The following CADM2 variants were observed in gnomAD, a reference collection of about 807,000 sequenced individuals.
The protein encoded by CADM2 is immunoglobulin superfamily member 4D.
Under a neutral mutation model 49.8 loss-of-function variants are expected in CADM2, and 12 were observed. That is an observed-to-expected ratio of 0.24 (90% confidence interval 0.15 to 0.39). The LOEUF is 0.39. Among genes scored for constraint, CADM2 ranks in the 10% least tolerant of loss-of-function variants. The pLI, the probability that CADM2 is intolerant of heterozygous loss-of-function variation, is 1.00. For synonymous variants in CADM2, 214 were observed against 175.4 expected, an observed-to-expected ratio of 1.22 and a Z score of -1.74; for missense variants, 378 against 492.3, an observed-to-expected ratio of 0.77 and a Z score of 2.20.
chr3:85,676,401 C>A (rs1392108375), intron 1 of CADM2, among the ~76,000 whole-genome samples: 2 of 152,052 alleles, frequency 1.3e-5, no homozygotes, highest in Non-Finnish European at 2.9e-5. Flanking sequence ...CCCTAGAGAC[C>A]CATGCCTATT....
intron 1 of CADM2, among the ~76,000 whole-genome samples, chr3:85,105,930 T>G (rs1287703349): frequency 6.7e-6 from 1 of 150,158 alleles, no homozygotes; most frequent in Non-Finnish European, 1.5e-5. Flanking sequence ...AACATCACAC[T>G]CTGGGGACTG....
At chr3:86,012,506 A>G in intron 8 of CADM2, 1 of 1,144,054 alleles carries the variant, frequency 8.7e-7, no homozygotes, top group Non-Finnish European at 1.2e-6. Flanking sequence ...CAGCGGGCGG[A>G]CTGCCCTGAG....
intron 4 of CADM2, among the ~76,000 whole-genome samples, chr3:85,884,973 C>T (rs1713366582): frequency 6.7e-6 from 1 of 150,074 alleles, no homozygotes; most frequent in Non-Finnish European, 1.5e-5. Context: ...TGACCTCGGC[C>T]TCCCAAAGTG....
intron 1 of CADM2, among the ~76,000 whole-genome samples, chr3:85,158,778 A>G (rs186234189): frequency 1.2e-4 from 19 of 152,242 alleles, no homozygotes; most frequent in Admixed American, 3.9e-4. Flanking sequence ...CCAGCATGGC[A>G]GATGTATACA....
intron 1 of CADM2, among the ~76,000 whole-genome samples, chr3:85,498,360 G>C (rs922438110): frequency 6.6e-6 from 1 of 152,108 alleles, no homozygotes; most frequent in African/African-American, 2.4e-5. Context: ...CTATAATGCT[G>C]TTGGTCCTAA....
intron 1 of CADM2, among the ~76,000 whole-genome samples, chr3:85,256,456 C>G (rs541164774): frequency 6.6e-6 from 1 of 152,134 alleles, no homozygotes; most frequent in African/African-American, 2.4e-5. Flanking sequence ...CTAAGTGCTC[C>G]TATTCAAAAA....
intron 1 of CADM2, among the ~76,000 whole-genome samples, chr3:85,379,910 A>C (rs766823512): frequency 4.6e-5 from 7 of 152,000 alleles, no homozygotes; most frequent in Non-Finnish European, 8.8e-5. Flanking sequence ...GACCCAGCTT[A>C]TTGTCTGACA....
At chr3:85,551,682 G>T (rs1033940905) in intron 1 of CADM2, among the ~76,000 whole-genome samples, 1 of 152,098 alleles carries the variant, frequency 6.6e-6, no homozygotes, top group Non-Finnish European at 1.5e-5. Flanking sequence ...AAGCTGTTCA[G>T]CTTTTTAAAT....
intron 1 of CADM2, among the ~76,000 whole-genome samples, chr3:85,245,444 G>A (rs905029310): frequency 2.0e-5 from 3 of 151,304 alleles, no homozygotes; most frequent in Non-Finnish European, 2.9e-5. Context: ...CCCGGGAGGC[G>A]AAGCTTGCAG....
intron 3 of CADM2, among the ~76,000 whole-genome samples, chr3:85,827,832 T>C (rs1455471872): frequency 6.6e-6 from 1 of 152,002 alleles, no homozygotes; most frequent in Non-Finnish European, 1.5e-5. Context: ...GTCAACAAGA[T>C]ATTTCTGTTC....
chr3:85,289,469 A>G (rs565000507), intron 1 of CADM2, among the ~76,000 whole-genome samples: 20 of 152,322 alleles, frequency 1.3e-4, no homozygotes, highest in African/African-American at 4.3e-4. Context: ...CTGTTAAGAT[A>G]AGAAATGTTG....
intron 1 of CADM2, among the ~76,000 whole-genome samples, chr3:85,284,115 C>T (rs113207905): frequency 9.9e-5 from 15 of 152,094 alleles, no homozygotes; most frequent in South Asian, 2.1e-4. Flanking sequence ...TTAAACTCTA[C>T]GGAATGAAAT....
At chr3:85,263,495 T>A (rs2043058301) in intron 1 of CADM2, among the ~76,000 whole-genome samples, 1 of 152,124 alleles carries the variant, frequency 6.6e-6, no homozygotes, top group African/African-American at 2.4e-5. Flanking sequence ...GTAACCATAA[T>A]CTTTATTTTA....
chr3:85,666,464 C>T (rs2065572306), intron 1 of CADM2, among the ~76,000 whole-genome samples: 1 of 151,826 alleles, frequency 6.6e-6, no homozygotes, highest in African/African-American at 2.4e-5. Context: ...AGGTTTGTGG[C>T]TGAGACCTCT....
At chr3:85,697,534 A>C (rs2066608018) in intron 1 of CADM2, among the ~76,000 whole-genome samples, 1 of 152,178 alleles carries the variant, frequency 6.6e-6, no homozygotes, top group African/African-American at 2.4e-5. Flanking sequence ...AATAAAGGTA[A>C]AGAAAAAATA....
intron 1 of CADM2, among the ~76,000 whole-genome samples, chr3:85,561,187 T>G (rs1401323257): frequency 6.6e-6 from 1 of 152,192 alleles, no homozygotes; most frequent in Non-Finnish European, 1.5e-5. Context: ...TTGTTCATGT[T>G]CAGATTTTTC....
At chr3:85,723,542 C>G (rs142632021) in intron 1 of CADM2, among the ~76,000 whole-genome samples, 26 of 152,116 alleles carry the variant, frequency 1.7e-4, no homozygotes, top group Middle Eastern at 6.8e-3. Context: ...ATAGCCTGGC[C>G]TCTTTCCAAT....
In CADM2 at chr3:85,273,598, T is replaced by G. The variant is rs1576257447; in HGVS notation, c.61+313930T>G. Reference sequence around the variant, plus strand: ...AAAGCGAAGGAGGACCCCCCCCAAATTTTGATCTGAGCACCTACATGTGAA... The same window carrying G: ...AAAGCGAAGGAGGACCCCCCCCAAAGTTTGATCTGAGCACCTACATGTGAA... On this transcript the variant is annotated intron_variant, in intron 1 of 9. Transcript: ENST00000383699. 2.6e-5 allele frequency among the ~76,000 whole-genome samples: 4 copies of G among 151,296 alleles called. No individual in the cohort carries two copies. In the Admixed American group the frequency reaches 2.7e-4, roughly 10 times the overall value.
At chr3:85,140,315 A>G (rs1362726424) in intron 1 of CADM2, among the ~76,000 whole-genome samples, 1 of 152,078 alleles carries the variant, frequency 6.6e-6, no homozygotes, top group Non-Finnish European at 1.5e-5. Flanking sequence ...CAAATGATAC[A>G]TTTTTCTGTA....
Sources: gnomAD v4.1 joint callset for allele counts (sites outside exome capture counted in the v4.1 genomes callset) on GRCh38, gnomAD v4.1.1 for gene constraint, MANE v1.5 for transcripts, NCBI Gene and HGNC (gene_info 2026-07-23, HGNC 2026-07-21) for gene names.